Variants in HS3ST5 observed in about 807,000 individuals in gnomAD.
The protein encoded by HS3ST5 is heparan sulfate glucosamine 3-O-sulfotransferase 5.
HS3ST5 carries 10 observed loss-of-function variants against 25.4 expected under a neutral mutation model. That is an observed-to-expected ratio of 0.39 (90% CI 0.24 to 0.67). HS3ST5 has a LOEUF of 0.67. Among genes scored for constraint, HS3ST5 ranks in the 30% least tolerant of loss-of-function variants. HS3ST5 has a pLI of 0.44. For missense variants in HS3ST5, 324 were observed against 420.7 expected, an observed-to-expected ratio of 0.77 and a Z score of 2.01; for synonymous variants, 170 against 162.4, an observed-to-expected ratio of 1.05 and a Z score of -0.36.
At chr6:114,085,934 G>C (rs1428591761) in intron 3 of HS3ST5, among the ~76,000 whole-genome samples, 168 of 98,754 alleles carry the variant, frequency 1.7e-3, no homozygotes, top group East Asian at 2.3e-3. Context: ...TAAATTCATT[G>C]CCCCCCCCCC....
Position 114,320,931 on chromosome 6 carries a change from T to TAC in HS3ST5, c.-339+21262_-339+21263dup, listed in dbSNP as rs1562275195. Among the ~76,000 whole-genome samples the TAC allele has an allele frequency of 7.6e-3, 864 of 113,718 alleles. 9 individuals carry two copies. Among genetic ancestry groups the TAC allele is most frequent in the African/African-American group, 0.028 (806 of 28,494 alleles). The allele number at this position is 113,718 out of a possible 152,430, so 74.6% of individuals were successfully genotyped here. ...CTCTCTCTCTATATATATATATATATACATATATAATATATAAAGCCAGGG... is the reference window on the plus strand; with the variant it reads ...CTCTCTCTCTATATATATATATATATACACATATATAATATATAAAGCCAGGG... On this transcript the variant is annotated intron_variant, in intron 1 of 4. Transcript: ENST00000312719.
At chr6:114,116,433 C>G (rs1030533121) in intron 3 of HS3ST5, among the ~76,000 whole-genome samples, 3 of 152,030 alleles carry the variant, frequency 2.0e-5, no homozygotes, top group African/African-American at 7.2e-5. Context: ...AAGACCATAA[C>G]CTCTCTTTAC....
chr6:114,083,997 T>G (rs1774620327), intron 3 of HS3ST5, among the ~76,000 whole-genome samples: 1 of 152,218 alleles, frequency 6.6e-6, no homozygotes, highest in Admixed American at 6.5e-5. Flanking sequence ...TAATTTTTAA[T>G]TATTATATAT....
At chr6:114,138,659 A>C (rs1777755674) in intron 3 of HS3ST5, among the ~76,000 whole-genome samples, 1 of 152,190 alleles carries the variant, frequency 6.6e-6, no homozygotes, top group South Asian at 2.1e-4. Flanking sequence ...CCTGGTAAAA[A>C]ATCCTGAGTT....
At chr6:114,265,335 T>C (rs561049785) in intron 1 of HS3ST5, among the ~76,000 whole-genome samples, 1 of 152,302 alleles carries the variant, frequency 6.6e-6, no homozygotes, top group African/African-American at 2.4e-5. Flanking sequence ...TGAAGGCTAC[T>C]GGCAGAAAGC....
At chr6:114,179,447 T>C (rs894878101) in intron 2 of HS3ST5, among the ~76,000 whole-genome samples, 4 of 152,146 alleles carry the variant, frequency 2.6e-5, no homozygotes, top group African/African-American at 9.7e-5. Flanking sequence ...GTAGGATTCA[T>C]AAAGTACCCA....
intron 2 of HS3ST5, among the ~76,000 whole-genome samples, chr6:114,227,350 A>G (rs1771349002): frequency 6.6e-6 from 1 of 151,802 alleles, no homozygotes; most frequent in Non-Finnish European, 1.5e-5. Flanking sequence ...AAAAATGTCT[A>G]TAAGCCTGAA....
chr6:114,295,293 T>C (rs1774767399), intron 1 of HS3ST5, among the ~76,000 whole-genome samples: 1 of 152,238 alleles, frequency 6.6e-6, no homozygotes, highest in Non-Finnish European at 1.5e-5. Context: ...ATTTTGTCTA[T>C]GAAGTAATAA....
At chr6:114,099,706 A>C (rs1775626137) in intron 3 of HS3ST5, among the ~76,000 whole-genome samples, 1 of 152,162 alleles carries the variant, frequency 6.6e-6, no homozygotes, top group African/African-American at 2.4e-5. Context: ...CAAATAATCC[A>C]CATATATTGC....
intron 1 of HS3ST5, among the ~76,000 whole-genome samples, chr6:114,334,166 C>G (rs1268139019): frequency 6.6e-6 from 1 of 152,196 alleles, no homozygotes; most frequent in Admixed American, 6.5e-5. Flanking sequence ...CTGAGAAGCA[C>G]TCAAGTCAGG....
At chr6:114,181,464 A>G (rs1442139413) in intron 2 of HS3ST5, among the ~76,000 whole-genome samples, 2 of 152,230 alleles carry the variant, frequency 1.3e-5, no homozygotes, top group Non-Finnish European at 1.5e-5. Flanking sequence ...CTAAGTTTAC[A>G]CAACTCTAAA....
intron 1 of HS3ST5, among the ~76,000 whole-genome samples, chr6:114,291,875 AC>A (rs1774593851): frequency 6.6e-6 from 1 of 152,196 alleles, no homozygotes; most frequent in Non-Finnish European, 1.5e-5. Flanking sequence ...TAAGAGAATA[AC>A]AACACGGACA....
At chr6:114,285,066 G>A (rs938949030) in intron 1 of HS3ST5, among the ~76,000 whole-genome samples, 2 of 151,978 alleles carry the variant, frequency 1.3e-5, no homozygotes, top group African/African-American at 4.8e-5. Flanking sequence ...CTTACTGCTA[G>A]GCATTTATCC....
intron 2 of HS3ST5, among the ~76,000 whole-genome samples, chr6:114,228,070 A>G (rs1771388390): frequency 6.6e-6 from 1 of 152,156 alleles, no homozygotes; most frequent in South Asian, 2.1e-4. Flanking sequence ...GGTTTAGCAT[A>G]AGGTTTGAAA....
chr6:114,227,889 T>A (rs554112496), intron 2 of HS3ST5, among the ~76,000 whole-genome samples: 1 of 152,096 alleles, frequency 6.6e-6, no homozygotes, highest in Non-Finnish European at 1.5e-5. Flanking sequence ...GCTATCACTC[T>A]GAAAGAGAGA....
chr6:114,181,355 A>G (rs547654654), intron 2 of HS3ST5, among the ~76,000 whole-genome samples: 2 of 152,342 alleles, frequency 1.3e-5, no homozygotes, highest in East Asian at 1.9e-4. Context: ...AATTTCATAG[A>G]TACAATGTGG....
chr6:114,271,337 T>C (rs977291797), intron 1 of HS3ST5, among the ~76,000 whole-genome samples: 2 of 152,124 alleles, frequency 1.3e-5, no homozygotes, highest in Non-Finnish European at 2.9e-5. Context: ...GTTTCTCTTT[T>C]ATAATTTTTG....
intron 2 of HS3ST5, among the ~76,000 whole-genome samples, chr6:114,199,413 T>C (rs1400073088): frequency 1.3e-5 from 2 of 152,128 alleles, no homozygotes; most frequent in Non-Finnish European, 2.9e-5. Context: ...AAATGCTCCA[T>C]TAAAAAAAAT....
chr6:114,103,398 G>A (rs1315538391), intron 3 of HS3ST5, among the ~76,000 whole-genome samples: 1 of 152,022 alleles, frequency 6.6e-6, no homozygotes. Flanking sequence ...TTTATGATAA[G>A]AGTAATGTGG....
Sources: allele counts gnomAD v4.1 joint callset (sites outside exome capture counted in the v4.1 genomes callset), GRCh38; gene constraint gnomAD v4.1.1; transcripts MANE v1.5; gene names NCBI Gene and HGNC (gene_info 2026-07-23, HGNC 2026-07-21).